Variants in CCDC60 observed in about 807,000 individuals in gnomAD.
The protein encoded by CCDC60 is coiled-coil domain-containing protein 60.
In CCDC60, 54 loss-of-function variants were observed where a neutral mutation model predicts 63.5. The observed-to-expected ratio is 0.85, with a 90% CI of 0.68 to 1.07. The LOEUF (loss-of-function observed/expected upper bound fraction) is 1.07. Among genes scored for constraint, CCDC60 ranks in the 50% least tolerant of loss-of-function variants. The pLI, the probability that CCDC60 is intolerant of heterozygous loss-of-function variation, is 0.00. For missense variants in CCDC60, 651 were observed against 684.3 expected (o/e 0.95, Z 0.54); for synonymous variants, 206 against 238.8 (o/e 0.86, Z 1.27).
At chr12:119,472,928 T>A (rs1320825635) in intron 3 of CCDC60, among the ~76,000 whole-genome samples, 1 of 152,154 alleles carries the variant, frequency 6.6e-6, no homozygotes, top group African/African-American at 2.4e-5. Context: ...GGACTATCAA[T>A]AGACTGGTCC....
At chr12:119,336,611 C>T (rs546204742) in intron 1 of CCDC60, among the ~76,000 whole-genome samples, 2 of 152,304 alleles carry the variant, frequency 1.3e-5, no homozygotes, top group African/African-American at 4.8e-5. Context: ...TTGCCACGCA[C>T]CAGCTGTGTG....
chr12:119,493,230 T>C (rs150276534), intron 5 of CCDC60, among the ~76,000 whole-genome samples: 2 of 152,304 alleles, frequency 1.3e-5, no homozygotes, highest in African/African-American at 4.8e-5. Flanking sequence ...ATATCCATCC[T>C]TGGGGACCTG....
chr12:119,504,052 T>C (rs549326658), intron 6 of CCDC60, among the ~76,000 whole-genome samples: 10 of 152,340 alleles, frequency 6.6e-5, no homozygotes, highest in African/African-American at 2.2e-4. Context: ...TTCCCCCTTG[T>C]AAACCTGGCA....
chr12:119,451,627 C>G (rs1950637550), intron 2 of CCDC60, among the ~76,000 whole-genome samples: 4 of 152,152 alleles, frequency 2.6e-5, no homozygotes, highest in Admixed American at 2.6e-4. Context: ...CCCTCAAATG[C>G]CATCTAGAAT....
chr12:119,453,181 T>G (rs946458359), intron 2 of CCDC60, among the ~76,000 whole-genome samples: 36 of 152,138 alleles, frequency 2.4e-4, no homozygotes, highest in African/African-American at 7.7e-4. Context: ...CCTAAACCCT[T>G]AGATTTGATT....
intron 1 of CCDC60, among the ~76,000 whole-genome samples, chr12:119,413,704 G>T (rs950706027): frequency 2.0e-5 from 3 of 152,102 alleles, no homozygotes; most frequent in African/African-American, 7.2e-5. Context: ...CGCAGGTGTG[G>T]TGCATGGAGA....
chr12:119,513,137 A>G (rs1952257603), intron 7 of CCDC60, among the ~76,000 whole-genome samples: 1 of 152,218 alleles, frequency 6.6e-6, no homozygotes, highest in Admixed American at 6.5e-5. Flanking sequence ...GTATCAAAGC[A>G]GATTCCACGT....
intron 2 of CCDC60, among the ~76,000 whole-genome samples, chr12:119,445,498 A>G (rs955313941): frequency 2.0e-5 from 3 of 150,768 alleles, no homozygotes; most frequent in African/African-American, 7.3e-5. Flanking sequence ...AGCTAAAAAA[A>G]AAAAAAAAAT....
chr12:119,433,078 G>A (rs1487382636), intron 2 of CCDC60, among the ~76,000 whole-genome samples: 1 of 152,158 alleles, frequency 6.6e-6, no homozygotes, highest in Non-Finnish European at 1.5e-5. Flanking sequence ...AGCAACTGGT[G>A]GGAATATCTG....
chr12:119,445,856 T>C (rs1950533986), intron 2 of CCDC60, among the ~76,000 whole-genome samples: 1 of 152,202 alleles, frequency 6.6e-6, no homozygotes, highest in Admixed American at 6.5e-5. Flanking sequence ...AAATATCGTG[T>C]GTTCTCAAGC....
chr12:119,520,624 C>A (rs1179819788), intron 9 of CCDC60, among the ~76,000 whole-genome samples: 1 of 150,292 alleles, frequency 6.7e-6, no homozygotes, highest in African/African-American at 2.5e-5. Flanking sequence ...TGACTGCAAC[C>A]TCCATCTCTT....
chr12:119,476,904 C>T (rs1049153722), intron 3 of CCDC60, among the ~76,000 whole-genome samples: 2 of 152,218 alleles, frequency 1.3e-5, no homozygotes, highest in African/African-American at 4.8e-5. Context: ...TTCCATTCAA[C>T]CTTCAGATTT....
chr12:119,484,044 C>T (rs1025421883), intron 4 of CCDC60, among the ~76,000 whole-genome samples: 2 of 151,806 alleles, frequency 1.3e-5, no homozygotes, highest in African/African-American at 4.8e-5. Flanking sequence ...AGATGAAACC[C>T]TATTCTGATG....
At chr12:119,429,089 G>T (rs971264061) in intron 2 of CCDC60, among the ~76,000 whole-genome samples, 1 of 152,146 alleles carries the variant, frequency 6.6e-6, no homozygotes, top group Non-Finnish European at 1.5e-5. Flanking sequence ...TGATGATACC[G>T]TGGAGTCAGA....
intron 13 of CCDC60, among the ~76,000 whole-genome samples, chr12:119,540,173 A>T (rs1483766817): frequency 6.6e-6 from 1 of 152,206 alleles, no homozygotes; most frequent in Admixed American, 6.5e-5. Context: ...AATAATCTGG[A>T]TGTGGGGGTC....
intron 3 of CCDC60, among the ~76,000 whole-genome samples, chr12:119,478,347 C>T (rs1484163558): frequency 3.2e-5 from 4 of 124,650 alleles, no homozygotes; most frequent in Non-Finnish European, 6.6e-5. Context: ...ATGACTCAAG[C>T]ATGACAACAA....
intron 2 of CCDC60, among the ~76,000 whole-genome samples, chr12:119,435,468 T>C (rs999944989): frequency 6.6e-6 from 1 of 152,204 alleles, no homozygotes; most frequent in Non-Finnish European, 1.5e-5. Flanking sequence ...GACTTATCGA[T>C]GACTGGTCTA....
At chr12:119,378,385 A>G (rs574186721) in intron 1 of CCDC60, among the ~76,000 whole-genome samples, 59 of 152,268 alleles carry the variant, frequency 3.9e-4, no homozygotes, top group African/African-American at 1.4e-3. Context: ...TTAGAAAGGA[A>G]ATGATTTGGG....
intron 2 of CCDC60, among the ~76,000 whole-genome samples, chr12:119,429,221 C>T (rs140485339): frequency 1.1e-4 from 17 of 152,158 alleles, no homozygotes; most frequent in Middle Eastern, 6.8e-3. Context: ...TTAGAAGAAC[C>T]GAGGGAAATA....
Sources: allele counts gnomAD v4.1 joint callset (sites outside exome capture counted in the v4.1 genomes callset), GRCh38; gene constraint gnomAD v4.1.1; transcripts MANE v1.5; gene names NCBI Gene and HGNC (gene_info 2026-07-23, HGNC 2026-07-21).